Variants in YTHDC2 observed in about 807,000 individuals in gnomAD.
YTHDC2 encodes YTH N6-methyladenosine RNA binding protein C2.
Under a neutral mutation model 174.9 loss-of-function variants are expected in YTHDC2, and 45 were observed. That is an observed-to-expected ratio of 0.26 (90% CI 0.20 to 0.33). YTHDC2 has a LOEUF of 0.33. Ranked by LOEUF, YTHDC2 falls within the 10% of genes least tolerant of loss-of-function variation. The pLI is 1.00. For synonymous variants in YTHDC2, 657 were observed against 574.5 expected, an observed-to-expected ratio of 1.14 and a Z score of -2.05; for missense variants, 1,650 against 1,723.7, an observed-to-expected ratio of 0.96 and a Z score of 0.76.
At chr5:113,537,077 A>G (rs1350732680) in intron 7 of YTHDC2, among the ~76,000 whole-genome samples, 1 of 152,202 alleles carries the variant, frequency 6.6e-6, no homozygotes, top group Non-Finnish European at 1.5e-5. Context: ...CAATGTTATA[A>G]TGAACATCCT....
At chr5:113,525,254 C>T (rs895552850) in intron 3 of YTHDC2, 77 bp downstream of exon 3, 20 of 1,193,474 alleles carry the variant, frequency 1.7e-5, no homozygotes, top group Middle Eastern at 2.0e-4. Context: ...GATTTATTTT[C>T]GAAAACCAAG....
Position 113,542,467 on chromosome 5 carries a change from C to A in YTHDC2, c.1459C>A (p.Gln487Lys). The A allele has an allele frequency of 6.2e-7, 1 of 1,609,024 alleles. No homozygotes were observed. The highest frequency in any genetic ancestry group is 1.1e-5 in the South Asian group (1 of 88,960). ...ACATAAAGATATTGATGCCTTTGCTCAGGTCTTTCATCTCATTTTAACTGA... is the reference window on the plus strand; with the variant it reads ...ACATAAAGATATTGATGCCTTTGCTAAGGTCTTTCATCTCATTTTAACTGA... ...WLHKDIDAFAQVFHLILTENV... is the reference protein window; with the variant it reads ...WLHKDIDAFAKVFHLILTENV... Residue 487 changes from glutamine (Q) to lysine (K), a missense_variant, in exon 10 of 30, where the codon CAG (glutamine) becomes AAG (lysine). Coordinates refer to ENST00000161863, the MANE Select transcript of YTHDC2 (RefSeq NM_022828.5).
intron 23 of YTHDC2, among the ~76,000 whole-genome samples, chr5:113,571,369 A>G (rs1254138950): frequency 6.6e-6 from 1 of 152,164 alleles, no homozygotes; most frequent in Non-Finnish European, 1.5e-5. Context: ...GTGCTGCTGT[A>G]TTTGGTTTGC....
At chr5:113,549,926 C>A (rs1580553307) in intron 12 of YTHDC2, among the ~76,000 whole-genome samples, 1 of 149,552 alleles carries the variant, frequency 6.7e-6, no homozygotes, top group African/African-American at 2.5e-5. Flanking sequence ...ATAAATAATT[C>A]TTGTAAATTA....
At chr5:113,546,505 A>C (rs1004701295) in intron 10 of YTHDC2, among the ~76,000 whole-genome samples, 1 of 152,178 alleles carries the variant, frequency 6.6e-6, no homozygotes, top group African/African-American at 2.4e-5. Context: ...ATGTCATATG[A>C]TTTAGGAAAC....
intron 2 of YTHDC2, among the ~76,000 whole-genome samples, chr5:113,520,841 G>A (rs1393790028): frequency 6.6e-6 from 1 of 152,166 alleles, no homozygotes; most frequent in Non-Finnish European, 1.5e-5. Flanking sequence ...AAGGGGGTTT[G>A]TTGTACAGAT....
In YTHDC2 at chr5:113,581,936, A is replaced by G. The variant is rs150768964; in HGVS notation, c.3647+227A>G. On this transcript the variant is annotated intron_variant, in intron 25 of 29. Transcript: ENST00000161863. ...ACTATTGATATCTGTGAGTTATTTA[A>G]TAAGGCAACTCTTTGTCAGGAAAAG... is the stretch of plus-strand genomic sequence containing the variant. 1.1e-3 allele frequency: 346 copies of G among 323,872 alleles called. 4 individuals carry two copies. The highest frequency in any genetic ancestry group is 6.7e-3 in the African/African-American group (318 of 47,124). 20.1% of individuals were successfully genotyped at this position (323,872 alleles called of 1,614,324 possible).
At chr5:113,536,529 AAAAT>A (rs1353832728) in intron 7 of YTHDC2, among the ~76,000 whole-genome samples, 3 of 152,222 alleles carry the variant, frequency 2.0e-5, no homozygotes, top group Admixed American at 6.5e-5. Context: ...CGTCTCAAAA[AAAAT>A]AAATAAATAA....
intron 17 of YTHDC2, 106 bp from the exon 18 acceptor site, chr5:113,560,974 A>G (rs1269593104): frequency 1.1e-6 from 1 of 917,816 alleles, no homozygotes; most frequent in Non-Finnish European, 1.6e-6. Context: ...AAACTCAGGT[A>G]TCCTGATCCT....
chr5:113,518,748 C>T (rs1193460032), intron 2 of YTHDC2, among the ~76,000 whole-genome samples: 2 of 151,930 alleles, frequency 1.3e-5, no homozygotes, highest in African/African-American at 4.8e-5. Context: ...AAAATAGATT[C>T]CAGACTTATT....
chr5:113,578,214 A>G lies in YTHDC2; in HGVS notation c.3245-1372A>G, dbSNP rs77947010. Among the ~76,000 whole-genome samples, 4 of 147,188 alleles carry G rather than the reference A, an allele frequency of 2.7e-5. No homozygotes were observed. In the East Asian group the frequency reaches 5.9e-4, roughly 22 times the overall value. The stretch of plus-strand genomic sequence containing the variant: ...GTGTGTGTGTTTTTGTTTTTAAGAG[A>G]CAGGGTTTCACTCTGTTATTCCGGA... On this transcript the variant is annotated intron_variant, in intron 23 of 29. Transcript: ENST00000161863.
Position 113,541,040 on chromosome 5 carries a change from G to A in YTHDC2, c.1283G>A (p.Arg428Lys), listed in dbSNP as rs1458777490. Reference protein sequence around the residue: ...QENSFKPESQRQRTVLNVTDE... With the variant: ...QENSFKPESQKQRTVLNVTDE... ...AATAGTTTCAAGCCTGAATCTCAGA[G>A]GCAGAGAACTGTTCTAAATGTGACT... Residue 428 changes from arginine to lysine, a missense_variant, in exon 9 of 30, where the codon AGG (arginine) becomes AAG (lysine). This residue lies in a region of YTHDC2 where 411 missense variants were observed against 380.6 expected (regional missense o/e 1.08). Coordinates refer to ENST00000161863, the MANE Select transcript of YTHDC2 (RefSeq NM_022828.5). The A allele has an allele frequency of 1.2e-6, 2 of 1,614,112 alleles. No individual in the cohort carries two copies. The highest frequency in any genetic ancestry group is 1.7e-6 in the Non-Finnish European group (2 of 1,180,002).
At chr5:113,525,835 G>A (rs1042574341) in intron 3 of YTHDC2, among the ~76,000 whole-genome samples, 2 of 152,074 alleles carry the variant, frequency 1.3e-5, no homozygotes, top group Admixed American at 6.5e-5. Context: ...AGTTATTATT[G>A]TCTATTGGAA....
intron 26 of YTHDC2, 138 bp downstream of exon 26, chr5:113,584,617 G>T: frequency 1.4e-6 from 1 of 697,938 alleles, no homozygotes; most frequent in Non-Finnish European, 2.2e-6. Context: ...TAGCAAACTT[G>T]ATACAGTTTG....
chr5:113,592,206 T>TTTA, intron 28 of YTHDC2, 28 bp downstream of exon 28: 2 of 1,560,086 alleles, frequency 1.3e-6, no homozygotes, highest in Non-Finnish European at 1.7e-6. Flanking sequence ...TTTTTTTATT[T>TTTA]ACTTTTGTTT....
intron 7 of YTHDC2, among the ~76,000 whole-genome samples, chr5:113,538,054 T>TGCAA (rs1319270313): frequency 1.3e-5 from 2 of 152,194 alleles, no homozygotes; most frequent in African/African-American, 4.8e-5. Flanking sequence ...CATTCAGATT[T>TGCAA]GCAAGCCAGA....
At chr5:113,537,739 G>T (rs1485788617) in intron 7 of YTHDC2, among the ~76,000 whole-genome samples, 1 of 151,882 alleles carries the variant, frequency 6.6e-6, no homozygotes, top group Non-Finnish European at 1.5e-5. Flanking sequence ...TTGTTCTCCA[G>T]AGCTTTGGAT....
intron 7 of YTHDC2, 63 bp downstream of exon 7, chr5:113,535,861 A>T: frequency 1.5e-6 from 2 of 1,365,026 alleles, no homozygotes; most frequent in Non-Finnish European, 2.0e-6. Context: ...GACATTATTT[A>T]TCCTAACAGA....
chr5:113,516,699 G>A (rs67915940), intron 2 of YTHDC2, among the ~76,000 whole-genome samples: 48,206 of 151,972 alleles, frequency 0.32, 9,439 homozygotes, highest in African/African-American at 0.54. Context: ...ATAGAGGGAA[G>A]AAAAGGATAA....
Sources: allele counts gnomAD v4.1 joint callset (sites outside exome capture counted in the v4.1 genomes callset), GRCh38; gene constraint gnomAD v4.1.1; regional missense constraint gnomAD v4.1.1; transcripts MANE v1.5; gene names NCBI Gene and HGNC (gene_info 2026-07-23, HGNC 2026-07-21).